The following LAMTOR4 variants were observed in gnomAD, a reference collection of about 807,000 sequenced individuals.
LAMTOR4 encodes the protein late endosomal/lysosomal adaptor, MAPK and MTOR activator 4.
LAMTOR4 carries 11 observed loss-of-function variants against 13.5 expected under a neutral mutation model. The observed-to-expected ratio is 0.82, with a 90% CI of 0.51 to 1.35. LAMTOR4 has a LOEUF of 1.35. Ranked by LOEUF, LAMTOR4 falls within the 40% of genes most tolerant of loss-of-function variation. The pLI is 0.00. For missense variants in LAMTOR4, 128 were observed against 126.2 expected, an observed-to-expected ratio of 1.01 and a Z score of -0.07; for synonymous variants, 69 against 52.3, an observed-to-expected ratio of 1.32 and a Z score of -1.38.
chr7:100,149,679 C>G (rs1443371793), intron 2 of LAMTOR4, 100 bp downstream of exon 2: 7 of 898,624 alleles, frequency 7.8e-6, no homozygotes, highest in Admixed American at 1.9e-5. Flanking sequence ...GGTTTCCTGC[C>G]TGGCATCTAT....
chr7:100,151,755 G>C (rs1798711246), intron 2 of LAMTOR4, among the ~76,000 whole-genome samples: 2 of 151,544 alleles, frequency 1.3e-5, no homozygotes, highest in South Asian at 2.1e-4. Context: ...GAGTGCAGTG[G>C]TAACGATCAC....
chr7:100,150,085 G>T (rs543916870), intron 2 of LAMTOR4, among the ~76,000 whole-genome samples: 181 of 152,282 alleles, frequency 1.2e-3, no homozygotes, highest in African/African-American at 4.2e-3. Flanking sequence ...CCTTTATTTG[G>T]TATTTCTTAA....
rs564739976 is a variant in LAMTOR4, at chr7:100,151,524, G to A, written c.85-1876G>A. On this transcript the variant is annotated intron_variant, in intron 2 of 3. Transcript: ENST00000341942. ...CTGCCTCAGCCTCCCTAGTAGCTGG[G>A]ACTACAGGCGCCCGCCACCATGCCC... Among the ~76,000 whole-genome samples the A allele has an allele frequency of 1.5e-4, 23 of 151,968 alleles. No individual in the cohort carries two copies. The East Asian group carries it at 4.2e-3, about 28-fold the overall frequency.
intron 1 of LAMTOR4, 147 bp downstream of exon 1, chr7:100,149,122 G>A (rs1223175488): frequency 9.4e-7 from 1 of 1,062,766 alleles, no homozygotes; most frequent in East Asian, 2.5e-5. Context: ...TGGGAGGGAT[G>A]GCGACGAGAA....
chr7:100,150,683 C>T (rs1399634385), intron 2 of LAMTOR4, among the ~76,000 whole-genome samples: 2 of 151,986 alleles, frequency 1.3e-5, no homozygotes, highest in East Asian at 3.9e-4. Flanking sequence ...CAGAAGGAGG[C>T]GTCATTAAGA....
chr7:100,151,935 C>G (rs1798719101), intron 2 of LAMTOR4, among the ~76,000 whole-genome samples: 1 of 151,846 alleles, frequency 6.6e-6, no homozygotes, highest in African/African-American at 2.4e-5. Flanking sequence ...AACTCCTGGC[C>G]TCCAGCATTC....
At chr7:100,153,591 T>C in intron 3 of LAMTOR4, 74 bp downstream of exon 3, 1 of 1,308,562 alleles carries the variant, frequency 7.6e-7, no homozygotes, top group Non-Finnish European at 1.1e-6. Flanking sequence ...TCGGCTTCTC[T>C]TCTTCCAGCC....
At position 100,153,537 on chromosome 7, in the gene LAMTOR4, C is replaced by T. The variant is rs1238565483; in HGVS notation, c.202+20C>T. 1.3e-6 allele frequency: 2 copies of T among 1,594,308 alleles called. No homozygotes were observed. The highest frequency in any genetic ancestry group is 8.5e-7 in the Non-Finnish European group (1 of 1,170,524). ...TGTCTGGTGAGCCCCTGCCCCTGCC[C>T]TTGGTGGTGGTACTGGGAGCGGGGG... On this transcript the variant is annotated intron_variant, in intron 3 of 3. Transcript: ENST00000341942.
chr7:100,154,170 C>T lies in LAMTOR4; in HGVS notation c.*206C>T. The T allele has an allele frequency of 1.8e-6, 1 of 562,994 alleles. No individual in the cohort carries two copies. Among genetic ancestry groups the T allele is most frequent in the East Asian group, 3.0e-5 (1 of 33,388 alleles). The allele number at this position is 562,994 out of a possible 1,614,324, so 34.9% of individuals were successfully genotyped here. A position where few individuals can be genotyped will look rare whatever the true frequency, so the allele number is the denominator to read the frequency against. On this transcript the variant is annotated 3_prime_UTR_variant, in exon 4 of 4. Transcript: ENST00000341942. Reference sequence around the variant, plus strand: ...AAGGAGACCTCCCTTTGTGCTCCCTCACTCCCTAATAAACATGAGTCTGAT... The same window carrying T: ...AAGGAGACCTCCCTTTGTGCTCCCTTACTCCCTAATAAACATGAGTCTGAT...
chr7:100,150,043 C>T (rs1163662206), intron 2 of LAMTOR4, among the ~76,000 whole-genome samples: 1 of 152,238 alleles, frequency 6.6e-6, no homozygotes, highest in Non-Finnish European at 1.5e-5. Context: ...TCCCAAAGTG[C>T]TGGGATTACA....
chr7:100,153,654 C>A (rs1379515866), intron 3 of LAMTOR4, 137 bp downstream of exon 3: 3 of 838,966 alleles, frequency 3.6e-6, no homozygotes, highest in Non-Finnish European at 6.1e-6. Context: ...CTTTGGGACT[C>A]CCTGGTATCA....
At position 100,148,981 on chromosome 7, in the gene LAMTOR4, T is replaced by G; in HGVS notation, c.3+6T>G. On this transcript the variant is annotated splice_donor_region_variant and intron_variant, in intron 1 of 3. Coordinates refer to ENST00000341942, the MANE Select transcript of LAMTOR4 (RefSeq NM_001008395.4). ...CAGCACCGAAGACTGCGATGGTGAG[T>G]GAGGACGCATGCGCGAGAGGACCCG... 1 of 1,609,910 alleles carries G rather than the reference T, an allele frequency of 6.2e-7. No individual in the cohort carries two copies. The highest frequency in any genetic ancestry group is 1.3e-5 in the African/African-American group (1 of 74,892).
chr7:100,154,019 G>A lies in LAMTOR4; in HGVS notation c.*55G>A. On this transcript the variant is annotated 3_prime_UTR_variant, in exon 4 of 4. Transcript: ENST00000341942. ...GGATTGGGTCCTGGGCCTCTGTGAT[G>A]AGGCAGGCACACCTGTCGGTCTTGG... 1 of 1,352,384 alleles carries A rather than the reference G, an allele frequency of 7.4e-7. No individual in the cohort carries two copies. The highest frequency in any genetic ancestry group is 1.0e-6 in the Non-Finnish European group (1 of 965,386). The allele number at this position is 1,352,384 out of a possible 1,614,324, so 83.8% of individuals were successfully genotyped here.
intron 1 of LAMTOR4, 62 bp downstream of exon 1, chr7:100,149,037 T>G: frequency 6.3e-7 from 1 of 1,580,216 alleles, no homozygotes; most frequent in East Asian, 2.3e-5. Flanking sequence ...CTCCCCAGTC[T>G]GTGTGGTTTC....
At chr7:100,149,628 A>T (rs779333755) in intron 2 of LAMTOR4, 49 bp downstream of exon 2, 7 of 1,389,668 alleles carry the variant, frequency 5.0e-6, no homozygotes, top group African/African-American at 1.4e-5. Flanking sequence ...CAGCCCGGTA[A>T]CCCCTTCTAA....
chr7:100,150,915 G>C (rs1798678810), intron 2 of LAMTOR4, among the ~76,000 whole-genome samples: 1 of 148,726 alleles, frequency 6.7e-6, no homozygotes, highest in South Asian at 2.1e-4. Flanking sequence ...CGTGAACCTG[G>C]AAGGTGGAGG....
rs760240131 is a variant in LAMTOR4, at chr7:100,149,594, A to G, written c.84+15A>G. 8.7e-6 allele frequency: 14 copies of G among 1,608,616 alleles called. No individual in the cohort carries two copies. In the African/African-American group the frequency reaches 1.5e-4, roughly 17 times the overall value. ...CAGTGCTGGCGGTGCGTTCTGGGAA[A>G]GGGAGGGGGTCCCTTAGTGCACACA... On this transcript the variant is annotated intron_variant, in intron 2 of 3. Coordinates refer to ENST00000341942, the MANE Select transcript of LAMTOR4 (RefSeq NM_001008395.4).
chr7:100,150,719 T>C (rs913135522), intron 2 of LAMTOR4, among the ~76,000 whole-genome samples: 3 of 151,210 alleles, frequency 2.0e-5, no homozygotes, highest in African/African-American at 4.9e-5. Flanking sequence ...GGCGTGGTGG[T>C]TCATGCCTGT....
intron 1 of LAMTOR4, 99 bp downstream of exon 1, chr7:100,149,074 C>A: frequency 1.4e-6 from 2 of 1,414,960 alleles, no homozygotes; most frequent in Non-Finnish European, 9.6e-7. Flanking sequence ...GCTCCACCCT[C>A]ACCTCCTATC....
Sources: allele counts gnomAD v4.1 joint callset (sites outside exome capture counted in the v4.1 genomes callset), GRCh38; gene constraint gnomAD v4.1.1; transcripts MANE v1.5; gene names NCBI Gene and HGNC (gene_info 2026-07-23, HGNC 2026-07-21).